DNAH3: variants seen among roughly 807,000 people sequenced by gnomAD.
DNAH3 encodes axonemal beta dynein heavy chain 3.
A neutral mutation model predicts 432.5 loss-of-function variants in DNAH3; 332 were observed. The ratio of observed to expected loss-of-function variants is 0.77; its 90% CI spans 0.70 to 0.84. The LOEUF (loss-of-function observed/expected upper bound fraction) is 0.84, where lower values mean the gene tolerates loss of function less well. DNAH3 is among the 40% of genes least tolerant of loss of function. DNAH3 has a pLI of 0.00. For synonymous variants in DNAH3, 1,956 were observed against 1,900.2 expected, an observed-to-expected ratio of 1.03 and a Z score of -0.76; for missense variants, 4,861 against 5,114.0, an observed-to-expected ratio of 0.95 and a Z score of 1.51.
chr16:21,094,084 T>C (rs1395731279), intron 18 of DNAH3, among the ~76,000 whole-genome samples: 1 of 152,126 alleles, frequency 6.6e-6, no homozygotes, highest in East Asian at 1.9e-4. Context: ...TTAAAACCTT[T>C]TTCTCTGTGA....
chr16:20,982,986 C>A, intron 48 of DNAH3, 100 bp from the exon 49 acceptor site: 1 of 1,330,728 alleles, frequency 7.5e-7, no homozygotes, highest in South Asian at 1.3e-5. Context: ...TAAGTGGGGG[C>A]AGGCTTCCTC....
intron 57 of DNAH3, 56 bp downstream of exon 57, chr16:20,948,427 T>G: frequency 6.4e-7 from 1 of 1,570,646 alleles, no homozygotes; most frequent in Non-Finnish European, 8.7e-7. Context: ...TGTAGCCATA[T>G]AGAGATGACG....
intron 1 of DNAH3, among the ~76,000 whole-genome samples, chr16:21,146,653 A>T (rs945648841): frequency 6.6e-6 from 1 of 152,192 alleles, no homozygotes; most frequent in African/African-American, 2.4e-5. Context: ...ATATATTGTT[A>T]ATTAGTCATC....
At chr16:20,979,308 G>C in intron 50 of DNAH3, 22 bp downstream of exon 50, 2 of 1,612,076 alleles carry the variant, frequency 1.2e-6, no homozygotes, top group Non-Finnish European at 1.7e-6. Context: ...CTTTGTCTCT[G>C]TTCTGTTTTG....
At chr16:20,965,184 C>T in exon 53 of DNAH3, 2 of 1,614,050 alleles carry the variant, frequency 1.2e-6, no homozygotes, top group Non-Finnish European at 8.5e-7. Flanking sequence ...TGGGAGCCAC[C>T]ACCTTGGCCA....
chr16:20,935,043 CT>C (rs2083537873), intron 61 of DNAH3, among the ~76,000 whole-genome samples: 1 of 152,134 alleles, frequency 6.6e-6, no homozygotes, highest in Admixed American at 6.6e-5. Context: ...CATTAACATT[CT>C]TGTAAATGAA....
At chr16:21,108,124 G>A (rs1287148108) in intron 14 of DNAH3, among the ~76,000 whole-genome samples, 4 of 152,022 alleles carry the variant, frequency 2.6e-5, no homozygotes, top group Non-Finnish European at 5.9e-5. Flanking sequence ...CACCCGCCTC[G>A]GCCTCCCAAA....
intron 60 of DNAH3, 151 bp downstream of exon 60, chr16:20,936,498 C>T (rs1424884825): frequency 1.4e-6 from 1 of 702,260 alleles, no homozygotes; most frequent in South Asian, 1.9e-5. Flanking sequence ...CCTCCTGCTT[C>T]TAACTCCAGG....
At chr16:21,152,841 G>A (rs2092870006) in intron 1 of DNAH3, among the ~76,000 whole-genome samples, 1 of 152,266 alleles carries the variant, frequency 6.6e-6, no homozygotes, top group Admixed American at 6.5e-5. Context: ...CCGCGGGGCA[G>A]GGCTCGGGAC....
chr16:21,001,095 C>T (rs992453656), intron 42 of DNAH3, among the ~76,000 whole-genome samples: 3 of 152,198 alleles, frequency 2.0e-5, no homozygotes, highest in Non-Finnish European at 4.4e-5. Context: ...CTATTTTTTA[C>T]AACACTCACA....
At chr16:21,152,610 C>T (rs1019015021) in intron 1 of DNAH3, among the ~76,000 whole-genome samples, 6 of 152,248 alleles carry the variant, frequency 3.9e-5, no homozygotes, top group African/African-American at 1.2e-4. Context: ...GAGGCGCGAG[C>T]GGGAACCCGG....
chr16:21,136,925 G>A (rs1597466098), intron 5 of DNAH3, among the ~76,000 whole-genome samples: 2 of 152,036 alleles, frequency 1.3e-5, no homozygotes, highest in Admixed American at 6.6e-5. Context: ...GCAAGGTCAG[G>A]GGTTCGAGAC....
intron 40 of DNAH3, among the ~76,000 whole-genome samples, chr16:21,020,702 C>A (rs574103427): frequency 6.6e-6 from 1 of 151,810 alleles, no homozygotes; most frequent in South Asian, 2.1e-4. Context: ...CCGCACCCGG[C>A]CTTTACTGCA....
chr16:21,026,513 C>T (rs1281631409), intron 38 of DNAH3, among the ~76,000 whole-genome samples: 2 of 151,588 alleles, frequency 1.3e-5, no homozygotes, highest in African/African-American at 4.9e-5. Context: ...TCAGCCTGGC[C>T]AACATGGTGA....
intron 57 of DNAH3, among the ~76,000 whole-genome samples, chr16:20,945,595 A>G (rs1190077201): frequency 6.6e-6 from 1 of 151,832 alleles, no homozygotes; most frequent in African/African-American, 2.4e-5. Flanking sequence ...GATTCAAGCA[A>G]TTCTACTGCC....
chr16:21,122,215 G>A, intron 9 of DNAH3, 91 bp from the exon 11 acceptor site: 1 of 1,117,256 alleles, frequency 9.0e-7, no homozygotes, highest in African/African-American at 1.6e-5. Context: ...AACTACATGA[G>A]GACCAGAAAA....
chr16:20,944,158 AAG>A (rs149183028), intron 58 of DNAH3, among the ~76,000 whole-genome samples: 20 of 151,294 alleles, frequency 1.3e-4, no homozygotes, highest in African/African-American at 3.6e-4. Flanking sequence ...TTAAAAAAAA[AAG>A]AGAGTTAGTT....
At chr16:21,053,587 C>T (rs1378150837) in intron 28 of DNAH3, among the ~76,000 whole-genome samples, 1 of 152,132 alleles carries the variant, frequency 6.6e-6, no homozygotes, top group East Asian at 1.9e-4. Context: ...GAGTATGTGG[C>T]CGTGTGAAGA....
chr16:20,939,832 T>C (rs1283647355), intron 59 of DNAH3, among the ~76,000 whole-genome samples: 1 of 152,118 alleles, frequency 6.6e-6, no homozygotes, highest in Non-Finnish European at 1.5e-5. Flanking sequence ...TGGCTCTGAG[T>C]CACTTGAGAC....
Sources: allele counts gnomAD v4.1 joint callset (sites outside exome capture counted in the v4.1 genomes callset), GRCh38; gene constraint gnomAD v4.1.1; transcripts MANE v1.5; gene names NCBI Gene and HGNC (gene_info 2026-07-23, HGNC 2026-07-21).